The following DAB1 variants were observed in gnomAD, a reference collection of about 807,000 sequenced individuals.
DAB1 encodes DAB adaptor protein 1.
Under a neutral mutation model 64.6 loss-of-function variants are expected in DAB1, and 15 were observed. The observed-to-expected ratio is 0.23, with a 90% CI of 0.16 to 0.36. The LOEUF (loss-of-function observed/expected upper bound fraction) is 0.36. Among genes scored for constraint, DAB1 ranks in the 10% least tolerant of loss-of-function variants. The pLI is 1.00. For missense variants in DAB1, 596 were observed against 706.7 expected (o/e 0.84, Z 1.78); for synonymous variants, 235 against 251.9 (o/e 0.93, Z 0.64).
chr1:57,329,477 G>T (rs532669284), intron 1 of DAB1, among the ~76,000 whole-genome samples: 1 of 151,396 alleles, frequency 6.6e-6, no homozygotes, highest in African/African-American at 2.4e-5. Context: ...TTGCCTTTCC[G>T]GTTTTTTTGC....
chr1:57,688,467 G>T (rs1421907596), intron 6 of DAB1, among the ~76,000 whole-genome samples: 1 of 152,128 alleles, frequency 6.6e-6, no homozygotes, highest in Non-Finnish European at 1.5e-5. Flanking sequence ...ACTGTTGGTG[G>T]GAATGTAAAT....
upstream of DAB1, among the ~76,000 whole-genome samples, chr1:57,426,651 G>A (rs1421348049): frequency 6.6e-6 from 1 of 151,966 alleles, no homozygotes; most frequent in Non-Finnish European, 1.5e-5. Context: ...ACACAGTTCT[G>A]ATGCTTTCCA....
At chr1:58,310,406 G>A (rs139198256) in intron 4 of DAB1, among the ~76,000 whole-genome samples, 130 of 152,306 alleles carry the variant, frequency 8.5e-4, no homozygotes, top group African/African-American at 2.7e-3. Context: ...GGTCCGCAGA[G>A]AACATTATAG....
upstream of DAB1, among the ~76,000 whole-genome samples, chr1:57,887,581 T>C (rs564125815): frequency 1.8e-4 from 27 of 152,202 alleles, no homozygotes; most frequent in Non-Finnish European, 3.7e-4. Context: ...ACATATTCAC[T>C]CACCACACTG....
intron 4 of DAB1, among the ~76,000 whole-genome samples, chr1:58,296,198 AAAG>A (rs1661980872): frequency 2.1e-5 from 1 of 48,298 alleles, no homozygotes; most frequent in Non-Finnish European, 4.3e-5. Context: ...AAAGAAAGAG[AAAG>A]AAAGAAAGAA....
At chr1:58,420,415 C>T (rs1025640066) in intron 3 of DAB1, among the ~76,000 whole-genome samples, 4 of 152,188 alleles carry the variant, frequency 2.6e-5, no homozygotes, top group African/African-American at 7.2e-5. Flanking sequence ...TTTGTTCTCC[C>T]TTGGCCCATC....
chr1:57,096,459 T>C (rs1305921700), intron 4 of DAB1, among the ~76,000 whole-genome samples: 2 of 152,140 alleles, frequency 1.3e-5, no homozygotes, highest in African/African-American at 2.4e-5. Context: ...GCAAAAGAAA[T>C]ATTGAGTATC....
chr1:57,194,493 G>C (rs1273394446), intron 2 of DAB1, among the ~76,000 whole-genome samples: 2 of 152,190 alleles, frequency 1.3e-5, no homozygotes, highest in East Asian at 3.9e-4. Context: ...TGCTGCAAAA[G>C]AAAAGAGCAG....
exon 2 of DAB1, chr1:57,826,294 T>C (rs1416560720): frequency 1.3e-5 from 2 of 152,234 alleles, no homozygotes; most frequent in Non-Finnish European, 2.9e-5. Context: ...GTAGTTCACA[T>C]GCAATGATGA....
intron 1 of DAB1, among the ~76,000 whole-genome samples, chr1:57,366,008 T>C (rs994669691): frequency 6.6e-5 from 10 of 152,170 alleles, no homozygotes; most frequent in African/African-American, 2.2e-4. Flanking sequence ...TATACAATAG[T>C]AGAAAGATGA....
intron 5 of DAB1, among the ~76,000 whole-genome samples, chr1:57,890,233 C>A (rs1284988287): frequency 6.6e-6 from 1 of 152,040 alleles, no homozygotes; most frequent in Non-Finnish European, 1.5e-5. Flanking sequence ...CACATGCACA[C>A]CATCTCTCCA....
intron 7 of DAB1, among the ~76,000 whole-genome samples, chr1:57,632,641 TGAG>T (rs561070153): frequency 1.3e-3 from 202 of 152,094 alleles, no homozygotes; most frequent in Non-Finnish European, 2.4e-3. Context: ...GTGAGAGTTG[TGAG>T]GAGAAGGGAA....
intron 5 of DAB1, among the ~76,000 whole-genome samples, chr1:58,077,798 C>T (rs1649747405): frequency 6.6e-6 from 1 of 152,122 alleles, no homozygotes; most frequent in Non-Finnish European, 1.5e-5. Context: ...CCTGGGAATC[C>T]ACACTTGGTC....
chr1:58,049,498 A>G (rs1647485241), intron 5 of DAB1, among the ~76,000 whole-genome samples: 1 of 152,190 alleles, frequency 6.6e-6, no homozygotes, highest in Non-Finnish European at 1.5e-5. Flanking sequence ...TGTCTGGTAA[A>G]TTATAATTCT....
intron 4 of DAB1, among the ~76,000 whole-genome samples, chr1:58,246,101 TA>T (rs1002735799): frequency 3.5e-5 from 5 of 142,374 alleles, no homozygotes; most frequent in Admixed American, 7.3e-5. Flanking sequence ...TTTGAATTTC[TA>T]AAAAAAAAGT....
chr1:58,029,344 T>TA (rs1203231637), intron 5 of DAB1, among the ~76,000 whole-genome samples: 1 of 152,146 alleles, frequency 6.6e-6, no homozygotes, highest in African/African-American at 2.4e-5. Flanking sequence ...TTGGATGCAC[T>TA]AAAAAAATGC....
chr1:57,101,230 G>A (rs931667085), intron 4 of DAB1, among the ~76,000 whole-genome samples: 1 of 152,170 alleles, frequency 6.6e-6, no homozygotes, highest in Non-Finnish European at 1.5e-5. Context: ...ACCAACAGAG[G>A]CAATCCTTTT....
chr1:57,459,322 A>T (rs1387607411), intron 7 of DAB1, among the ~76,000 whole-genome samples: 1 of 152,190 alleles, frequency 6.6e-6, no homozygotes, highest in Admixed American at 6.6e-5. Context: ...TATGTATGCT[A>T]CAATTTATAT....
At chr1:57,160,655 G>A (rs1251288307) in intron 2 of DAB1, among the ~76,000 whole-genome samples, 1 of 152,164 alleles carries the variant, frequency 6.6e-6, no homozygotes, top group Non-Finnish European at 1.5e-5. Flanking sequence ...TACAGTCAAA[G>A]GTGAAGAGGA....
Sources: allele counts gnomAD v4.1 joint callset (sites outside exome capture counted in the v4.1 genomes callset), GRCh38; gene constraint gnomAD v4.1.1; transcripts MANE v1.5; gene names NCBI Gene and HGNC (gene_info 2026-07-23, HGNC 2026-07-21).